Variants in WDR64 observed in about 807,000 individuals in gnomAD.
The protein encoded by WDR64 is WD repeat domain 64, also known as WD repeat-containing protein 64.
Under a neutral mutation model 139.3 loss-of-function variants are expected in WDR64, and 112 were observed. That is an observed-to-expected ratio of 0.80 (90% confidence interval 0.69 to 0.94). The LOEUF is 0.94. WDR64 is among the 40% of genes least tolerant of loss of function. The pLI, the probability that WDR64 is intolerant of heterozygous loss-of-function variation, is 0.00. For synonymous variants in WDR64, 444 were observed against 437.7 expected (o/e 1.01, Z -0.18); for missense variants, 1,206 against 1,293.1 (o/e 0.93, Z 1.03).
chr1:241,673,385 A>G (rs1163691510), intron 3 of WDR64, among the ~76,000 whole-genome samples: 1 of 152,180 alleles, frequency 6.6e-6, no homozygotes, highest in Non-Finnish European at 1.5e-5. Context: ...AGCAGAGAGA[A>G]TGATGGTGGC....
intron 6 of WDR64, among the ~76,000 whole-genome samples, chr1:241,681,613 A>C (rs904552792): frequency 2.6e-5 from 4 of 151,440 alleles, no homozygotes; most frequent in African/African-American, 7.4e-5. Flanking sequence ...ATATATAAGG[A>C]GTTCTTTTCC....
Position 241,784,976 on chromosome 1 carries a change from A to AAAAAAAAAAAAAAAAG in WDR64, c.2705+1595_2705+1596insAAAAAAAAAAAAAAAG, listed in dbSNP as rs138513526. Among the ~76,000 whole-genome samples, 361 of 98,404 alleles carry AAAAAAAAAAAAAAAAG rather than the reference A, an allele frequency of 3.7e-3. 40 individuals are homozygous for AAAAAAAAAAAAAAAAG. Among genetic ancestry groups the AAAAAAAAAAAAAAAAG allele is most frequent in the African/African-American group, 9.0e-3 (252 of 28,046 alleles). 64.6% of individuals were successfully genotyped at this position (98,404 alleles called of 152,430 possible). A position where few individuals can be genotyped will look rare whatever the true frequency, so the allele number is the denominator to read the frequency against. On this transcript the variant is annotated intron_variant, in intron 23 of 27. Transcript: ENST00000437684. ...CTGAAAAAAAAAAAAAAAAAAAAAA[A>AAAAAAAAAAAAAAAAG]GAAAGGACATCTGCTGTTTTATTTG... is the stretch of plus-strand genomic sequence containing the variant.
chr1:241,770,703 C>T lies in WDR64; in HGVS notation c.2253+13C>T. 2 of 1,550,180 alleles carry T rather than the reference C, an allele frequency of 1.3e-6. No individual in the cohort carries two copies. The highest frequency in any genetic ancestry group is 1.4e-5 in the African/African-American group (1 of 72,808). On this transcript the variant is annotated intron_variant, in intron 18 of 27. Coordinates refer to ENST00000437684, the MANE Select transcript of WDR64 (RefSeq NM_001367482.1). ...ACAGAGCAGTAAGGTAAGCAAGACA[C>T]AGACAGGGTCTGTCTTCCTGTCATA...
chr1:241,778,758 T>G (rs1334286680), intron 21 of WDR64, among the ~76,000 whole-genome samples: 2 of 152,152 alleles, frequency 1.3e-5, no homozygotes, highest in Non-Finnish European at 2.9e-5. Flanking sequence ...CAAGTAATAT[T>G]ATGCCACTTT....
At chr1:241,659,383 T>C (rs868131659) in intron 1 of WDR64, among the ~76,000 whole-genome samples, 1 of 152,196 alleles carries the variant, frequency 6.6e-6, no homozygotes, top group African/African-American at 2.4e-5. Flanking sequence ...CATGCATGTA[T>C]CTTTATAATA....
Position 241,790,702 on chromosome 1 carries a change from TTA to T in WDR64, c.2997+7_2997+8del. ...AGTCTCTTTCTTCTCCTAAGGTAGC[TTA>T]AAAAAAAAAAAAAAAAAGAAATGGC... On this transcript the variant is annotated splice_region_variant and intron_variant, in intron 25 of 27. Transcript: ENST00000437684. 1 of 1,441,170 alleles carries T rather than the reference TTA, an allele frequency of 6.9e-7. No homozygotes were observed. The highest frequency in any genetic ancestry group is 1.3e-5 in the South Asian group (1 of 79,106). The allele number at this position is 1,441,170 out of a possible 1,614,324, so 89.3% of individuals were successfully genotyped here.
intron 22 of WDR64, among the ~76,000 whole-genome samples, chr1:241,782,620 G>A (rs1302693586): frequency 6.6e-6 from 1 of 152,116 alleles, no homozygotes; most frequent in African/African-American, 2.4e-5. Context: ...CGAGGCCCAC[G>A]AGAGGCCCTA....
At chr1:241,778,283 C>T (rs1349975737) in intron 21 of WDR64, among the ~76,000 whole-genome samples, 1 of 152,162 alleles carries the variant, frequency 6.6e-6, no homozygotes, top group African/African-American at 2.4e-5. Context: ...TTTTATCACT[C>T]TGAAGTCTGC....
At chr1:241,701,951 C>T (rs1332490640) in intron 8 of WDR64, among the ~76,000 whole-genome samples, 1 of 152,084 alleles carries the variant, frequency 6.6e-6, no homozygotes, top group Admixed American at 6.6e-5. Context: ...AATTGGGAGC[C>T]AATAGCTCCC....
At chr1:241,698,868 A>G (rs1667596563) in intron 8 of WDR64, among the ~76,000 whole-genome samples, 1 of 152,210 alleles carries the variant, frequency 6.6e-6, no homozygotes, top group Non-Finnish European at 1.5e-5. Flanking sequence ...GTAATTTATA[A>G]AGGAAAGAGG....
chr1:241,718,255 G>C (rs1159547944), intron 9 of WDR64, among the ~76,000 whole-genome samples: 2 of 152,174 alleles, frequency 1.3e-5, no homozygotes, highest in African/African-American at 4.8e-5. Flanking sequence ...AGACAATTAT[G>C]AGTGCTGTAA....
rs746893711 is a variant in WDR64 at position 241,757,488 on chromosome 1, A to G, written c.1947+29A>G. The G allele has an allele frequency of 3.8e-6, 6 of 1,573,224 alleles. No individual in the cohort carries two copies. In the East Asian group the frequency reaches 9.0e-5, roughly 24 times the overall value. Reference sequence around the variant, plus strand: ...AGTTTCCTCTCTTGGTTTCTTTTTAACTTTTGCTTTTTGTTATGGAAATTT... The same window carrying G: ...AGTTTCCTCTCTTGGTTTCTTTTTAGCTTTTGCTTTTTGTTATGGAAATTT... On this transcript the variant is annotated intron_variant, in intron 15 of 27. Coordinates refer to ENST00000437684, the MANE Select transcript of WDR64 (RefSeq NM_001367482.1).
chr1:241,694,529 G>C (rs1439311516), intron 8 of WDR64, among the ~76,000 whole-genome samples: 1 of 152,090 alleles, frequency 6.6e-6, no homozygotes, highest in East Asian at 1.9e-4. Flanking sequence ...TTTTAAAGGA[G>C]TGCATTTCTG....
At chr1:241,792,368 C>T (rs965650211) in intron 25 of WDR64, among the ~76,000 whole-genome samples, 6 of 152,028 alleles carry the variant, frequency 3.9e-5, no homozygotes, top group Non-Finnish European at 7.4e-5. Flanking sequence ...AACCCTGTCT[C>T]TACTAAAAAT....
At chr1:241,762,452 G>A (rs1273496710) in intron 15 of WDR64, among the ~76,000 whole-genome samples, 1 of 152,090 alleles carries the variant, frequency 6.6e-6, no homozygotes, top group Non-Finnish European at 1.5e-5. Context: ...AGTGTTTGGG[G>A]CATATGTTTG....
Position 241,775,243 on chromosome 1 carries a change from G to C in WDR64, c.2536+33G>C, listed in dbSNP as rs74350442. 3.3e-4 allele frequency: 497 copies of C among 1,511,112 alleles called. 3 individuals are homozygous for C. In the East Asian group the frequency reaches 0.011, roughly 34 times the overall value. 93.6% of individuals were successfully genotyped at this position (1,511,112 alleles called of 1,614,324 possible). On this transcript the variant is annotated intron_variant, in intron 21 of 27. Coordinates refer to ENST00000437684, the MANE Select transcript of WDR64 (RefSeq NM_001367482.1). ...ATTACTCTTAGACATTCAGTGACAG[G>C]TGTCTTAATAGCTTACCTGATATAA...
rs116171547 is a variant in WDR64, at chr1:241,672,664, G to A, written c.379+1488G>A. 4.5e-3 allele frequency among the ~76,000 whole-genome samples: 684 copies of A among 152,288 alleles called. 4 individuals are homozygous for A. The highest frequency in any genetic ancestry group is 0.015 in the African/African-American group (640 of 41,556). On this transcript the variant is annotated intron_variant, in intron 3 of 27. Coordinates refer to ENST00000437684, the MANE Select transcript of WDR64 (RefSeq NM_001367482.1). ...ATGTCAGATGGTAATACACACTATA[G>A]GACAAAAAGCAGGTTGTGGGGAAAA... is the stretch of plus-strand genomic sequence containing the variant.
In WDR64 at chr1:241,754,320, C is replaced by CTT. The variant is rs71174845; in HGVS notation, c.1771-2946_1771-2945dup. 1.5e-3 allele frequency among the ~76,000 whole-genome samples: 122 copies of CTT among 81,848 alleles called. 1 individual carries two copies. The highest frequency in any genetic ancestry group is 3.4e-3 in the Admixed American group (21 of 6,110). The allele number at this position is 81,848 out of a possible 152,430, so 53.7% of individuals were successfully genotyped here. On this transcript the variant is annotated intron_variant, in intron 14 of 27. Coordinates refer to ENST00000437684, the MANE Select transcript of WDR64 (RefSeq NM_001367482.1). Reference sequence around the variant, plus strand: ...GGTTTTTTTTCCTTTTTTTCTTTTTCTTTTTTTTTTTTTTTTTTGAGATGG... The same window carrying CTT: ...GGTTTTTTTTCCTTTTTTTCTTTTTCTTTTTTTTTTTTTTTTTTTTGAGATGG...
At chr1:241,696,954 T>C (rs1421188926) in intron 8 of WDR64, among the ~76,000 whole-genome samples, 1 of 152,214 alleles carries the variant, frequency 6.6e-6, no homozygotes, top group Non-Finnish European at 1.5e-5. Flanking sequence ...CAAATGCCTC[T>C]GACACCTTGA....
Sources: gnomAD v4.1 joint callset for allele counts (sites outside exome capture counted in the v4.1 genomes callset) on GRCh38, gnomAD v4.1.1 for gene constraint, MANE v1.5 for transcripts, NCBI Gene and HGNC (gene_info 2026-07-23, HGNC 2026-07-21) for gene names.